The following RAB3B variants were observed in gnomAD, a reference collection of about 807,000 sequenced individuals.
The protein encoded by RAB3B is RAB3B, member RAS oncogene family, also known as ras-related protein Rab-3B.
Under a neutral mutation model 20.5 loss-of-function variants are expected in RAB3B, and 11 were observed. That is an observed-to-expected ratio of 0.54 (90% CI 0.34 to 0.89). RAB3B has a LOEUF of 0.89. Among genes scored for constraint, RAB3B ranks in the 40% least tolerant of loss-of-function variants. The probability of loss-of-function intolerance (pLI) is 0.02; values close to 1 mark genes in which losing one functional copy is unlikely to be tolerated. For missense variants in RAB3B, 225 were observed against 280.9 expected (o/e 0.80, Z 1.42); for synonymous variants, 99 against 106.3 (o/e 0.93, Z 0.42).
At chr1:51,946,295 C>T (rs1010047020) in intron 2 of RAB3B, among the ~76,000 whole-genome samples, 3 of 152,206 alleles carry the variant, frequency 2.0e-5, no homozygotes, top group Non-Finnish European at 4.4e-5. Context: ...CACTCCAGCT[C>T]TCACTATCCT....
At position 51,910,449 on chromosome 1, in the gene RAB3B, CTT is replaced by C. The variant is rs1683982644; in HGVS notation, c.*9476_*9477del. The C allele has an allele frequency of 1.3e-5, 2 of 152,156 alleles. No individual in the cohort carries two copies. The highest frequency in any genetic ancestry group is 2.4e-5 in the African/African-American group (1 of 41,436). The allele number at this position is 152,156 out of a possible 1,614,324, so 9.4% of individuals were successfully genotyped here. ...GTCAGAGATTCTTGTTTCTCTTCCT[CTT>C]GTTACTCTTTAGGAACCTCCAGCCT... On this transcript the variant is annotated 3_prime_UTR_variant, in exon 5 of 5. Coordinates refer to ENST00000371655, the MANE Select transcript of RAB3B (RefSeq NM_002867.4).
intron 3 of RAB3B, among the ~76,000 whole-genome samples, chr1:51,935,892 C>T (rs1317196574): frequency 1.3e-5 from 2 of 152,004 alleles, no homozygotes; most frequent in African/African-American, 4.8e-5. Context: ...AGAGGATAAC[C>T]AGGAGGCAGA....
intron 1 of RAB3B, among the ~76,000 whole-genome samples, chr1:51,979,121 G>C (rs1460390620): frequency 6.6e-6 from 1 of 152,130 alleles, no homozygotes; most frequent in Non-Finnish European, 1.5e-5. Flanking sequence ...GGAGACTGAG[G>C]CATAGCACTT....
At chr1:51,946,262 G>A (rs1684563005) in intron 2 of RAB3B, among the ~76,000 whole-genome samples, 1 of 152,148 alleles carries the variant, frequency 6.6e-6, no homozygotes, top group Admixed American at 6.5e-5. Flanking sequence ...TTCACTTAAA[G>A]AAAAGCGAGG....
intron 2 of RAB3B, among the ~76,000 whole-genome samples, chr1:51,943,936 C>A (rs1218601095): frequency 6.6e-6 from 1 of 152,202 alleles, no homozygotes; most frequent in Admixed American, 6.5e-5. Context: ...ATCCAGAAGA[C>A]CTGCTAAGAT....
Position 51,933,435 on chromosome 1 carries a change from G to C in RAB3B, c.355C>G (p.Gln119Glu), listed in dbSNP as rs575792054. The change falls in exon 4 of 5, where the codon CAG becomes GAG. Residue 119 changes from glutamine (Q) to glutamate (E), a missense_variant. Physicochemically the swap from Gln to Glu is conservative, Grantham distance 29 (BLOSUM62 2). Coordinates refer to ENST00000371655, the MANE Select transcript of RAB3B (RefSeq NM_002867.4). ...TTGTCCCAGGAGTAGGTCTTGATCT[G>C]AGTAGCCCTAAAATGAGATAGAAAG... ...SFNAVQDWATQIKTYSWDNAQ... is the reference protein window; with the variant it reads ...SFNAVQDWATEIKTYSWDNAQ... 6.2e-7 allele frequency: 1 copy of C among 1,611,854 alleles called. No individual in the cohort carries two copies. Among genetic ancestry groups the C allele is most frequent in the Admixed American group, 1.7e-5 (1 of 59,920 alleles).
chr1:51,955,807 T>C (rs540395852), intron 2 of RAB3B, among the ~76,000 whole-genome samples: 10 of 151,514 alleles, frequency 6.6e-5, no homozygotes, highest in African/African-American at 2.4e-4. Flanking sequence ...AAATCAGGAG[T>C]CCAGGATCCC....
intron 1 of RAB3B, among the ~76,000 whole-genome samples, chr1:51,987,098 G>C (rs77404392): frequency 0.011 from 1,733 of 152,258 alleles, 50 homozygotes; most frequent in African/African-American, 0.04. Context: ...CTCCTCAAAG[G>C]GTGGCTGTGA....
chr1:51,927,155 A>AAC (rs113368460), intron 4 of RAB3B, among the ~76,000 whole-genome samples: 30 of 151,544 alleles, frequency 2.0e-4, no homozygotes, highest in East Asian at 3.9e-4. Flanking sequence ...CAATCTAGAA[A>AAC]ACACACACAC....
chr1:51,917,336 T>C lies in RAB3B; in HGVS notation c.*2591A>G, dbSNP rs2124223949. ...GTGAAAAAAAAGAGACACCGAGTTA[T>C]TAGTGCCAAAAGAGACCTTAAAGAT... is the stretch of plus-strand genomic sequence containing the variant. On this transcript the variant is annotated 3_prime_UTR_variant, in exon 5 of 5. Coordinates refer to ENST00000371655, the MANE Select transcript of RAB3B (RefSeq NM_002867.4). 1 of 152,118 alleles carries C rather than the reference T, an allele frequency of 6.6e-6. No individual in the cohort carries two copies. The highest frequency in any genetic ancestry group is 1.9e-4 in the East Asian group (1 of 5,196). The allele number at this position is 152,118 out of a possible 1,614,324, so 9.4% of individuals were successfully genotyped here.
chr1:51,936,674 A>G (rs987964197), intron 3 of RAB3B, among the ~76,000 whole-genome samples: 5 of 152,134 alleles, frequency 3.3e-5, no homozygotes, highest in Admixed American at 3.3e-4. Flanking sequence ...TGTTCATCTT[A>G]CAAAATGCAG....
intron 4 of RAB3B, among the ~76,000 whole-genome samples, chr1:51,923,484 G>A (rs905480260): frequency 1.3e-5 from 2 of 152,160 alleles, no homozygotes; most frequent in East Asian, 1.9e-4. Flanking sequence ...GGGAGGCCGA[G>A]GTGGGTGGAT....
At chr1:51,941,404 A>G (rs1192776812) in intron 2 of RAB3B, among the ~76,000 whole-genome samples, 1 of 152,156 alleles carries the variant, frequency 6.6e-6, no homozygotes, top group African/African-American at 2.4e-5. Flanking sequence ...AATGGACTGG[A>G]AGGAGAAGAG....
chr1:51,934,588 G>A lies in RAB3B; in HGVS notation c.348-1146C>T, dbSNP rs113991107. 4.6e-3 allele frequency among the ~76,000 whole-genome samples: 694 copies of A among 151,904 alleles called. 11 individuals carry two copies. Among genetic ancestry groups the A allele is most frequent in the African/African-American group, 0.016 (670 of 41,408 alleles). On this transcript the variant is annotated intron_variant, in intron 3 of 4. Coordinates refer to ENST00000371655, the MANE Select transcript of RAB3B (RefSeq NM_002867.4). ...AGATCGAGACCATCCTAGCTAACAT[G>A]GTGAAACCCCGTCTCCACTAAAAAT...
At chr1:51,952,517 A>G (rs138119025) in intron 2 of RAB3B, among the ~76,000 whole-genome samples, 2 of 152,172 alleles carry the variant, frequency 1.3e-5, no homozygotes, top group African/African-American at 2.4e-5. Flanking sequence ...CATAGCACCT[A>G]TATCAGGAAT....
chr1:51,945,586 A>AC, intron 2 of RAB3B, among the ~76,000 whole-genome samples: 1 of 152,234 alleles, frequency 6.6e-6, no homozygotes, highest in African/African-American at 2.4e-5. Flanking sequence ...CGAAATGCTT[A>AC]GAACAGTTCC....
chr1:51,934,471 C>T (rs935458024), intron 3 of RAB3B, among the ~76,000 whole-genome samples: 1 of 152,120 alleles, frequency 6.6e-6, no homozygotes, highest in Non-Finnish European at 1.5e-5. Context: ...GATTATAAGA[C>T]TTTTAAAAAA....
chr1:51,921,869 C>G (rs1453659873), intron 4 of RAB3B, among the ~76,000 whole-genome samples: 2 of 152,228 alleles, frequency 1.3e-5, no homozygotes, highest in East Asian at 3.8e-4. Context: ...CTCTTTCCCC[C>G]CTCCCTCTTT....
At position 51,917,141 on chromosome 1, in the gene RAB3B, A is replaced by G. The variant is rs1684097411; in HGVS notation, c.*2786T>C. The G allele has an allele frequency of 6.6e-6, 1 of 152,214 alleles. No homozygotes were observed. The highest frequency in any genetic ancestry group is 1.5e-5 in the Non-Finnish European group (1 of 68,050). 9.4% of individuals were successfully genotyped at this position (152,214 alleles called of 1,614,324 possible). A position where few individuals can be genotyped will look rare whatever the true frequency, so the allele number is the denominator to read the frequency against. On this transcript the variant is annotated 3_prime_UTR_variant, in exon 5 of 5. Transcript: ENST00000371655. ...TCCTCATCTTCAAATGAGGCTCACT[A>G]TAGTGCCTCCCTCACAAGATGTTGG...
Sources: allele counts gnomAD v4.1 joint callset (sites outside exome capture counted in the v4.1 genomes callset), GRCh38; gene constraint gnomAD v4.1.1; transcripts MANE v1.5; gene names NCBI Gene and HGNC (gene_info 2026-07-23, HGNC 2026-07-21).